The following ZNF790 variants were observed in gnomAD, a reference collection of about 807,000 sequenced individuals.
ZNF790 encodes zinc finger protein 790.
A neutral mutation model predicts 12.1 loss-of-function variants in ZNF790; 8 were observed. That is an observed-to-expected ratio of 0.66 (90% CI 0.39 to 1.19). ZNF790 has a LOEUF of 1.19. Ranked by LOEUF, ZNF790 falls within the 50% of genes most tolerant of loss-of-function variation. The pLI, the probability that ZNF790 is intolerant of heterozygous loss-of-function variation, is 0.01. For missense variants in ZNF790, 707 were observed against 752.2 expected (o/e 0.94, Z 0.70); for synonymous variants, 252 against 244.3 (o/e 1.03, Z -0.29).
rs1313280517 is a variant in ZNF790, at chr19:36,819,409, C to T, written c.935G>A (p.Cys312Tyr). The T allele has an allele frequency of 9.3e-6, 15 of 1,611,172 alleles. No individual in the cohort carries two copies. The highest frequency in any genetic ancestry group is 1.7e-5 in the Admixed American group (1 of 59,690). ...ACTAAAGGCCTTTCTACATTCATTA[C>T]ATTCATAGGGTTTTTCACCAGTATG... ...RIHTGEKPYE[C>Y]NECRKAFSQR... Residue 312 changes from cysteine to tyrosine, a missense_variant, in exon 5 of 5, where the codon TGT becomes TAT. Coordinates refer to ENST00000356725, the MANE Select transcript of ZNF790 (RefSeq NM_206894.4).
At chr19:36,828,312 A>C (rs1315383477) in intron 1 of ZNF790, among the ~76,000 whole-genome samples, 1 of 152,038 alleles carries the variant, frequency 6.6e-6, no homozygotes, top group East Asian at 1.9e-4. Context: ...AAAAATATAA[A>C]ATTAGCCGGG....
intron 1 of ZNF790, among the ~76,000 whole-genome samples, chr19:36,845,083 A>C (rs1246174032): frequency 6.1e-5 from 9 of 148,464 alleles, no homozygotes; most frequent in Non-Finnish European, 1.5e-5. Context: ...AAGAAATACT[A>C]AATGGAGTTT....
chr19:36,829,016 C>T (rs994262900), intron 1 of ZNF790, among the ~76,000 whole-genome samples: 3 of 152,168 alleles, frequency 2.0e-5, no homozygotes, highest in Non-Finnish European at 4.4e-5. Flanking sequence ...ATGAAAGTTT[C>T]TGTGAGCAGG....
At chr19:36,834,300 G>T (rs1228063004) in intron 1 of ZNF790, among the ~76,000 whole-genome samples, 1 of 149,632 alleles carries the variant, frequency 6.7e-6, no homozygotes, top group African/African-American at 2.5e-5. Context: ...CTTACGCTAG[G>T]AGACGATATA....
At position 36,819,108 on chromosome 19, in the gene ZNF790, A is replaced by ATG. The variant is rs759652795; in HGVS notation, c.1234_1235dup (p.Gln413IlefsTer241). On this transcript the variant is annotated frameshift_variant, in exon 5 of 5. Coordinates refer to ENST00000356725, the MANE Select transcript of ZNF790 (RefSeq NM_206894.4). LOFTEE classifies it low-confidence loss of function (END_TRUNC). ...GTTTCCTGCCAGTATGAATTCGCTG[A>ATG]TGTCGAGCAAGGTGTGAGCTCCAAA... The ATG allele has an allele frequency of 6.2e-7, 1 of 1,613,542 alleles. No individual in the cohort carries two copies. The highest frequency in any genetic ancestry group is 1.1e-5 in the South Asian group (1 of 91,040).
At chr19:36,827,161 T>C (rs1222972365) in intron 1 of ZNF790, among the ~76,000 whole-genome samples, 2,241 of 110,354 alleles carry the variant, frequency 0.02, 118 homozygotes, top group African/African-American at 0.061. Context: ...TATATATATA[T>C]ATATATATAT....
Position 36,818,614 on chromosome 19 carries a change from A to G in ZNF790, c.1730T>C (p.Phe577Ser). 6.2e-7 allele frequency: 1 copy of G among 1,611,202 alleles called. No individual in the cohort carries two copies. Among genetic ancestry groups the G allele is most frequent in the Non-Finnish European group, 8.5e-7 (1 of 1,178,306 alleles). ...ACTATTATGAATTTTTTGTTCAGTAAAATATGAATGGTGACTAAAGATGTG... is the reference window on the plus strand; with the variant it reads ...ACTATTATGAATTTTTTGTTCAGTAGAATATGAATGGTGACTAAAGATGTG... ...SSHIFSHHSY[F>S]TEQKIHNSAN... The change falls in exon 5 of 5, where the codon TTT becomes TCT. Residue 577 changes from phenylalanine to serine, a missense_variant. Physicochemically the swap from Phe to Ser is radical, Grantham distance 155. Transcript: ENST00000356725.
intron 1 of ZNF790, among the ~76,000 whole-genome samples, chr19:36,843,710 G>GA (rs1178245073): frequency 6.6e-6 from 1 of 152,050 alleles, no homozygotes; most frequent in East Asian, 1.9e-4. Flanking sequence ...AGAAAACTCT[G>GA]AAAAAACAAA....
intron 1 of ZNF790, among the ~76,000 whole-genome samples, chr19:36,831,199 C>A (rs2071939148): frequency 6.6e-6 from 1 of 151,806 alleles, no homozygotes; most frequent in Non-Finnish European, 1.5e-5. Flanking sequence ...TCAAAATCCC[C>A]CATGTACAAA....
At chr19:36,823,580 T>C in intron 3 of ZNF790, 87 bp downstream of exon 3, 1 of 1,536,798 alleles carries the variant, frequency 6.5e-7, no homozygotes, top group Non-Finnish European at 8.8e-7. Context: ...AAAACAAAGG[T>C]CAGAAGTTAC....
chr19:36,818,824 T>G lies in ZNF790; in HGVS notation c.1520A>C (p.Glu507Ala). 2 of 1,612,686 alleles carry G rather than the reference T, an allele frequency of 1.2e-6. No individual in the cohort carries two copies. The highest frequency in any genetic ancestry group is 1.7e-6 in the Non-Finnish European group (2 of 1,179,454). ...AAAGGCTTTTCCACATTCTTCACAT[T>G]CATATGGCCTCTTTCCAGTATGAAT... The part of the protein sequence containing the change: ...QKIHTGKRPY[E>A]CEECGKAFLW... The change falls in exon 5 of 5, where the codon GAA becomes GCA. Residue 507 changes from glutamate (E) to alanine (A), a missense_variant. Transcript: ENST00000356725.
In ZNF790 at chr19:36,818,702, G is replaced by A. The variant is rs2071595603; in HGVS notation, c.1642C>T (p.Gln548Ter). The change falls in exon 5 of 5, where the codon CAG becomes TAG. Residue 548 changes from glutamine to a stop codon, truncating the protein, a stop_gained. Coordinates refer to ENST00000356725, the MANE Select transcript of ZNF790 (RefSeq NM_206894.4). LOFTEE classifies it low-confidence loss of function (END_TRUNC). The part of the protein sequence containing the change: ...ECGKSFIWGS[Q>*]LTRHKKIHTD... ...TGAATTTTCTTATGTCGTGTAAGCT[G>A]TGAACCCCAGATAAAAGATTTCCCA... is the stretch of plus-strand genomic sequence containing the variant. 6.2e-7 allele frequency: 1 copy of A among 1,613,606 alleles called. No individual in the cohort carries two copies. Among genetic ancestry groups the A allele is most frequent in the Non-Finnish European group, 8.5e-7 (1 of 1,179,872 alleles).
chr19:36,833,116 CAA>C (rs2071974820), intron 1 of ZNF790, among the ~76,000 whole-genome samples: 1 of 152,032 alleles, frequency 6.6e-6, no homozygotes, highest in African/African-American at 2.4e-5. Context: ...ATAAATCTAA[CAA>C]TATATGTAAC....
intron 1 of ZNF790, among the ~76,000 whole-genome samples, chr19:36,829,597 C>T (rs775229191): frequency 3.1e-4 from 47 of 152,126 alleles, no homozygotes; most frequent in Non-Finnish European, 5.7e-4. Flanking sequence ...GATGAAGTTT[C>T]GCTCTTGTTG....
intron 2 of ZNF790, among the ~76,000 whole-genome samples, chr19:36,824,319 T>C (rs548417986): frequency 4.6e-4 from 70 of 151,360 alleles, no homozygotes; most frequent in African/African-American, 1.7e-3. Context: ...TTTTTTGTTC[T>C]TTTACGAGAC....
rs1189515575 is a variant in ZNF790, at chr19:36,819,747, T to C, written c.597A>G (p.Gly199=). The change falls in exon 5 of 5, where the codon GGA becomes GGG. Residue 199 remains glycine (G), a synonymous_variant. Transcript: ENST00000356725. ...QLIHTSEKFC[G]DKECGNTFLP... ...GAAAGGTATTCCCACATTCTTTATC[T>C]CCACAGAATTTCTCACTTGTGTGAA... 1 of 1,613,614 alleles carries C rather than the reference T, an allele frequency of 6.2e-7. No individual in the cohort carries two copies. The highest frequency in any genetic ancestry group is 8.5e-7 in the Non-Finnish European group (1 of 1,179,788).
chr19:36,843,130 T>C (rs2072145244), upstream of ZNF790, among the ~76,000 whole-genome samples: 1 of 152,208 alleles, frequency 6.6e-6, no homozygotes, highest in African/African-American at 2.4e-5. Context: ...ATTTGCCAAT[T>C]CTTGGCAAAG....
intron 4 of ZNF790, 109 bp from the exon 5 acceptor site, chr19:36,820,223 G>T: frequency 8.4e-7 from 1 of 1,193,328 alleles, no homozygotes; most frequent in Non-Finnish European, 1.1e-6. Context: ...GAAGTGAATG[G>T]CTTAGAAAAT....
chr19:36,828,769 A>G (rs1320732780), intron 1 of ZNF790, among the ~76,000 whole-genome samples: 1 of 152,218 alleles, frequency 6.6e-6, no homozygotes, highest in Non-Finnish European at 1.5e-5. Context: ...GTAGGCCACC[A>G]TGTCCAGCCA....
Sources: gnomAD v4.1 joint callset for allele counts (sites outside exome capture counted in the v4.1 genomes callset) on GRCh38, gnomAD v4.1.1 for gene constraint, MANE v1.5 for transcripts, NCBI Gene and HGNC (gene_info 2026-07-23, HGNC 2026-07-21) for gene names.